Variants in ABCG2 observed in about 807,000 individuals in gnomAD.
ABCG2 encodes ATP binding cassette subfamily G member 2 (JR blood group), also known as broad substrate specificity ATP-binding cassette transporter ABCG2.
A neutral mutation model predicts 73.5 loss-of-function variants in ABCG2; 80 were observed. That is an observed-to-expected ratio of 1.09 (90% CI 0.91 to 1.31). ABCG2 has a LOEUF of 1.31. ABCG2 is among the 50% of genes most tolerant of loss of function. The probability of loss-of-function intolerance (pLI) is 0.00; values close to 1 mark genes in which losing one functional copy is unlikely to be tolerated. For missense variants in ABCG2, 796 were observed against 786.2 expected (o/e 1.01, Z -0.15); for synonymous variants, 269 against 282.4 (o/e 0.95, Z 0.48).
intron 1 of ABCG2, among the ~76,000 whole-genome samples, chr4:88,206,823 T>C (rs1729398110): frequency 6.6e-6 from 1 of 152,144 alleles, no homozygotes; most frequent in Non-Finnish European, 1.5e-5. Context: ...CATAGATTGG[T>C]GCATTTACAA....
chr4:88,192,868 T>A (rs1304040430), intron 1 of ABCG2, among the ~76,000 whole-genome samples: 1 of 151,608 alleles, frequency 6.6e-6, no homozygotes, highest in Admixed American at 6.6e-5. Flanking sequence ...CCCACCACCT[T>A]GCCCAGCTAA....
At position 88,176,600 on chromosome 4, in the gene ABCG2, C is replaced by A. The variant is rs111243293; in HGVS notation, c.-19-36586G>T. 3.3e-3 allele frequency among the ~76,000 whole-genome samples: 488 copies of A among 149,644 alleles called. 4 individuals carry two copies. The highest frequency in any genetic ancestry group is 0.012 in the African/African-American group (472 of 40,672). On this transcript the variant is annotated intron_variant, in intron 1 of 15. Transcript: ENST00000515655. ...GACTCAGGTGATCCTCTCACCTCAGCCTCTCACATAGCTGGGACCATAGGC... is the reference window on the plus strand; with the variant it reads ...GACTCAGGTGATCCTCTCACCTCAGACTCTCACATAGCTGGGACCATAGGC...
At chr4:88,211,565 C>T (rs1204007602) in intron 1 of ABCG2, among the ~76,000 whole-genome samples, 1 of 152,018 alleles carries the variant, frequency 6.6e-6, no homozygotes, top group Non-Finnish European at 1.5e-5. Context: ...TACCGGAGTA[C>T]ACCACCACAC....
intron 1 of ABCG2, among the ~76,000 whole-genome samples, chr4:88,211,589 T>G (rs1312110053): frequency 6.6e-6 from 1 of 152,090 alleles, no homozygotes; most frequent in African/African-American, 2.4e-5. Context: ...GGTAATTTTT[T>G]TGTATTTTAA....
upstream of ABCG2, chr4:88,158,875 C>A: frequency 3.0e-6 from 1 of 335,042 alleles, no homozygotes; most frequent in South Asian, 2.2e-5. Flanking sequence ...CTTCCTAAGC[C>A]GCGCTTCGGG....
chr4:88,121,493 C>T (rs1008316906), intron 6 of ABCG2, 142 bp downstream of exon 6: 1 of 842,404 alleles, frequency 1.2e-6, no homozygotes, highest in Admixed American at 3.0e-5. Flanking sequence ...CTTGATAATG[C>T]TTTTCATTTG....
chr4:88,140,983 C>T (rs983554017), intron 1 of ABCG2, among the ~76,000 whole-genome samples: 2 of 152,086 alleles, frequency 1.3e-5, no homozygotes, highest in African/African-American at 4.8e-5. Flanking sequence ...AAACAAATTA[C>T]AAAAGGCCTC....
At chr4:88,224,677 C>A (rs1452447432) in intron 1 of ABCG2, among the ~76,000 whole-genome samples, 1 of 152,056 alleles carries the variant, frequency 6.6e-6, no homozygotes, top group Non-Finnish European at 1.5e-5. Context: ...TCCTTTGATG[C>A]ATAAAAGTTT....
intron 1 of ABCG2, among the ~76,000 whole-genome samples, chr4:88,157,197 A>G (rs1430881304): frequency 1.6e-5 from 2 of 123,962 alleles, no homozygotes; most frequent in East Asian, 7.0e-4. Context: ...ACATTCATCT[A>G]ATCATGACAC....
chr4:88,095,169 T>C (rs1412071659), intron 14 of ABCG2, among the ~76,000 whole-genome samples: 1 of 152,256 alleles, frequency 6.6e-6, no homozygotes, highest in African/African-American at 2.4e-5. Flanking sequence ...TCTTTGCTCT[T>C]CTAATTTTCC....
At chr4:88,223,724 C>T (rs1389698454) in intron 1 of ABCG2, 1 of 152,788 alleles carries the variant, frequency 6.5e-6, no homozygotes, top group Non-Finnish European at 1.5e-5. Flanking sequence ...ATTACAGCAT[C>T]CTGGGCATTT....
intron 6 of ABCG2, among the ~76,000 whole-genome samples, chr4:88,121,099 G>A (rs1723935590): frequency 6.6e-6 from 1 of 152,064 alleles, no homozygotes; most frequent in African/African-American, 2.4e-5. Flanking sequence ...GCCTCAAAGA[G>A]GATCAGGCCA....
intron 2 of ABCG2, among the ~76,000 whole-genome samples, chr4:88,139,064 C>G (rs1725435758): frequency 6.6e-6 from 1 of 151,464 alleles, no homozygotes; most frequent in Admixed American, 6.6e-5. Context: ...TCACTTGAAC[C>G]CGGGAGGTGG....
chr4:88,157,550 A>G (rs1176342435), intron 1 of ABCG2, among the ~76,000 whole-genome samples: 1 of 152,200 alleles, frequency 6.6e-6, no homozygotes, highest in African/African-American at 2.4e-5. Flanking sequence ...CTCTCAAATT[A>G]TTTCACAATT....
At chr4:88,121,596 A>C in intron 6 of ABCG2, 39 bp downstream of exon 6, 1 of 1,588,076 alleles carries the variant, frequency 6.3e-7, no homozygotes, top group Non-Finnish European at 8.6e-7. Context: ...TAGTAGTGAT[A>C]AGATATTAAC....
intron 1 of ABCG2, among the ~76,000 whole-genome samples, chr4:88,179,537 A>G (rs142606488): frequency 1.4e-3 from 214 of 152,340 alleles, no homozygotes; most frequent in African/African-American, 5.0e-3. Context: ...CCAGGAAAAC[A>G]TGACCTCACT....
chr4:88,144,449 CTT>C lies in ABCG2; in HGVS notation c.-19-4437_-19-4436del, dbSNP rs59434855. Among the ~76,000 whole-genome samples, 438 of 77,588 alleles carry C rather than the reference CTT, an allele frequency of 5.6e-3. 2 individuals carry two copies. In the South Asian group the frequency reaches 0.087, roughly 15 times the overall value. The allele number at this position is 77,588 out of a possible 152,430, so 50.9% of individuals were successfully genotyped here. On this transcript the variant is annotated intron_variant, in intron 1 of 15. Transcript: ENST00000237612. ...CCTAACTAGCAAGGCCACATTTTTA[CTT>C]TTTTTTTTTTTTTTTTTTTTTGAGA...
At chr4:88,116,405 T>C (rs548543148) in intron 7 of ABCG2, among the ~76,000 whole-genome samples, 2 of 152,194 alleles carry the variant, frequency 1.3e-5, no homozygotes, top group East Asian at 3.9e-4. Flanking sequence ...TATTAAAACC[T>C]AATTAAGAAA....
At chr4:88,101,833 C>T (rs1722444418) in intron 10 of ABCG2, among the ~76,000 whole-genome samples, 2 of 152,326 alleles carry the variant, frequency 1.3e-5, no homozygotes, top group South Asian at 4.1e-4. Context: ...CAGACTAGAA[C>T]TGAGAGAAAA....
Sources: allele counts gnomAD v4.1 joint callset (sites outside exome capture counted in the v4.1 genomes callset), GRCh38; gene constraint gnomAD v4.1.1; transcripts MANE v1.5; gene names NCBI Gene and HGNC (gene_info 2026-07-23, HGNC 2026-07-21).